The following LRRC18 variants were observed in gnomAD, a reference collection of about 807,000 sequenced individuals.
LRRC18 encodes the protein leucine rich repeat containing 18, also known as leucine-rich repeat-containing protein 18.
Under a neutral mutation model 11.2 loss-of-function variants are expected in LRRC18, and 12 were observed. The observed-to-expected ratio is 1.07, with a 90% CI of 0.69 to 1.74. The LOEUF (loss-of-function observed/expected upper bound fraction) is 1.74, where lower values mean the gene tolerates loss of function less well. Among genes scored for constraint, LRRC18 ranks in the 40% most tolerant of loss-of-function variants. The pLI is 0.00. For missense variants in LRRC18, 374 were observed against 330.5 expected (o/e 1.13, Z -1.02); for synonymous variants, 155 against 130.6 (o/e 1.19, Z -1.27).
At chr10:48,912,628 G>A (rs1838110284) in intron 1 of LRRC18, among the ~76,000 whole-genome samples, 1 of 152,226 alleles carries the variant, frequency 6.6e-6, no homozygotes, top group African/African-American at 2.4e-5. Flanking sequence ...CTAGCATGGT[G>A]CTGAGTAAGG....
exon 1 of LRRC18, chr10:48,913,822 C>T (rs568174833): frequency 1.7e-5 from 28 of 1,613,900 alleles, no homozygotes; most frequent in East Asian, 2.2e-5. Context: ...ACGGGCAGCC[C>T]GTTGCTGGTC....
At chr10:48,927,913 T>C in the LRRC18 span, among the ~76,000 whole-genome samples, 4,036 of 152,318 alleles carry the variant, frequency 0.026, 102 homozygotes, top group African/African-American at 0.055. Context: ...TTAAGATGAT[T>C]AGTTTAACAG....
chr10:48,927,053 G>T, the LRRC18 span, among the ~76,000 whole-genome samples: 45 of 152,236 alleles, frequency 3.0e-4, no homozygotes, highest in African/African-American at 1.0e-3. Flanking sequence ...CTTTGCCCTG[G>T]AGAGCTGCAG....
chr10:48,920,458 T>C, the LRRC18 span, among the ~76,000 whole-genome samples: 1 of 152,166 alleles, frequency 6.6e-6, no homozygotes, highest in South Asian at 2.1e-4. Flanking sequence ...ATGGCACATG[T>C]ATACATATGT....
intron 1 of LRRC18, 27 bp from the exon 4 acceptor site, chr10:48,910,285 G>A (rs201745336): frequency 5.6e-6 from 9 of 1,611,594 alleles, no homozygotes; most frequent in Middle Eastern, 1.6e-4. Context: ...AAGAAGGTGA[G>A]GCAATTGCTC....
upstream of LRRC18, among the ~76,000 whole-genome samples, chr10:48,916,871 ATGTGTGTGTGTGTGTGTGTG>A (rs55891907): frequency 2.0e-5 from 3 of 149,286 alleles, no homozygotes; most frequent in Non-Finnish European, 4.4e-5. Flanking sequence ...CTTTAAAAAT[ATGTGTGTGTGTGTGTGTGTG>A]TGTGTGTGTG....
the LRRC18 span, among the ~76,000 whole-genome samples, chr10:48,931,941 A>G: frequency 6.6e-6 from 1 of 152,216 alleles, no homozygotes; most frequent in African/African-American, 2.4e-5. Context: ...GGCCACCCAC[A>G]TGTTAGTCAT....
the LRRC18 span, among the ~76,000 whole-genome samples, chr10:48,933,967 G>A: frequency 3.9e-5 from 6 of 152,056 alleles, no homozygotes; most frequent in East Asian, 1.9e-4. Flanking sequence ...CTAACAAACC[G>A]GTCTGCAGAC....
At chr10:48,936,215 C>A in the LRRC18 span, among the ~76,000 whole-genome samples, 1 of 151,824 alleles carries the variant, frequency 6.6e-6, no homozygotes, top group African/African-American at 2.4e-5. Context: ...CAAAACAAAT[C>A]ATTAAATGAG....
At chr10:48,929,299 A>C in the LRRC18 span, among the ~76,000 whole-genome samples, 1 of 152,126 alleles carries the variant, frequency 6.6e-6, no homozygotes, top group Non-Finnish European at 1.5e-5. Context: ...AATAAAAGAT[A>C]ATAAAGAGGA....
the LRRC18 span, among the ~76,000 whole-genome samples, chr10:48,936,274 TAA>T: frequency 1.3e-5 from 2 of 152,156 alleles, no homozygotes; most frequent in East Asian, 3.9e-4. Context: ...TATCATGTTT[TAA>T]GTCCAAAAAA....
At chr10:48,939,318 CT>C in the LRRC18 span, among the ~76,000 whole-genome samples, 4 of 152,358 alleles carry the variant, frequency 2.6e-5, no homozygotes, top group East Asian at 7.7e-4. Context: ...CAATGCTAGC[CT>C]TTTCCAGACC....
the LRRC18 span, among the ~76,000 whole-genome samples, chr10:48,929,456 C>A: frequency 6.6e-6 from 1 of 152,176 alleles, no homozygotes; most frequent in Non-Finnish European, 1.5e-5. Flanking sequence ...GGAAATAGCC[C>A]AGCATGGGAG....
the LRRC18 span, among the ~76,000 whole-genome samples, chr10:48,926,318 G>A: frequency 2.6e-5 from 4 of 152,242 alleles, no homozygotes; most frequent in East Asian, 1.9e-4. Context: ...ACCAAGGATT[G>A]TCAGAGTCCC....
At chr10:48,925,110 A>T in the LRRC18 span, among the ~76,000 whole-genome samples, 96,242 of 152,056 alleles carry the variant, frequency 0.63, 31,137 homozygotes, top group East Asian at 1. Context: ...TCTTAAAAGG[A>T]AATGATGCAA....
At chr10:48,925,369 T>C in the LRRC18 span, among the ~76,000 whole-genome samples, 1 of 152,080 alleles carries the variant, frequency 6.6e-6, no homozygotes, top group Non-Finnish European at 1.5e-5. Context: ...CCTGTGTATG[T>C]AATGGGTGTG....
chr10:48,910,208 G>A, exon 2 of LRRC18: 2 of 1,473,252 alleles, frequency 1.4e-6, no homozygotes, highest in South Asian at 2.3e-5. Context: ...TGTTAGCTGA[G>A]TAGTCTTCAA....
At chr10:48,925,680 C>A in the LRRC18 span, among the ~76,000 whole-genome samples, 2 of 152,100 alleles carry the variant, frequency 1.3e-5, no homozygotes, top group African/African-American at 2.4e-5. Context: ...AGCAGTAGCT[C>A]CACCACACTC....
upstream of LRRC18, among the ~76,000 whole-genome samples, chr10:48,915,519 G>T (rs141290254): frequency 6.6e-6 from 1 of 152,202 alleles, no homozygotes; most frequent in African/African-American, 2.4e-5. Context: ...GCAGGGAGAG[G>T]TGCTCTACAG....
Sources: gnomAD v4.1 joint callset for allele counts (sites outside exome capture counted in the v4.1 genomes callset) on GRCh38, gnomAD v4.1.1 for gene constraint, MANE v1.5 for transcripts, NCBI Gene and HGNC (gene_info 2026-07-23, HGNC 2026-07-21) for gene names.